Variants in TBC1D5 observed in about 807,000 individuals in gnomAD.
TBC1D5 encodes the protein TBC1 domain family member 5.
A neutral mutation model predicts 100.3 loss-of-function variants in TBC1D5; 75 were observed. That is an observed-to-expected ratio of 0.75 (90% CI 0.62 to 0.91). TBC1D5 has a LOEUF of 0.91. TBC1D5 is among the 40% of genes least tolerant of loss of function. TBC1D5 has a pLI of 0.00. For missense variants in TBC1D5, 910 were observed against 942.4 expected, an observed-to-expected ratio of 0.97 and a Z score of 0.45; for synonymous variants, 323 against 325.6, an observed-to-expected ratio of 0.99 and a Z score of 0.09.
At chr3:17,196,124 G>A (rs910108687) in intron 18 of TBC1D5, among the ~76,000 whole-genome samples, 5 of 152,134 alleles carry the variant, frequency 3.3e-5, no homozygotes, top group Admixed American at 6.5e-5. Flanking sequence ...AGTGACAAGC[G>A]CCTGCAAGAG....
chr3:17,608,711 T>A (rs1560271375), intron 2 of TBC1D5, among the ~76,000 whole-genome samples: 1 of 152,200 alleles, frequency 6.6e-6, no homozygotes, highest in Non-Finnish European at 1.5e-5. Flanking sequence ...CGCTTTCTAC[T>A]CCTATACCAA....
chr3:17,379,908 A>G (rs1034246415), intron 9 of TBC1D5, among the ~76,000 whole-genome samples: 4 of 152,014 alleles, frequency 2.6e-5, no homozygotes, highest in African/African-American at 4.8e-5. Flanking sequence ...ATCTTATTGT[A>G]CCATACTCAA....
chr3:17,275,789 G>C (rs1015699754), intron 15 of TBC1D5, among the ~76,000 whole-genome samples: 1 of 152,140 alleles, frequency 6.6e-6, no homozygotes, highest in African/African-American at 2.4e-5. Flanking sequence ...AGTAGGTAAT[G>C]GACTGTGTAA....
At chr3:17,455,738 C>G (rs1242993357) in intron 3 of TBC1D5, among the ~76,000 whole-genome samples, 1 of 151,950 alleles carries the variant, frequency 6.6e-6, no homozygotes, top group Admixed American at 6.6e-5. Flanking sequence ...ACTTGGGAGG[C>G]TGAGGTGGGA....
At chr3:17,642,809 G>A (rs1000999637) in intron 1 of TBC1D5, among the ~76,000 whole-genome samples, 1 of 152,036 alleles carries the variant, frequency 6.6e-6, no homozygotes, top group South Asian at 2.1e-4. Context: ...AAGTAAGAAC[G>A]TACTACATCA....
At chr3:17,548,307 C>T (rs965884382) in intron 2 of TBC1D5, among the ~76,000 whole-genome samples, 2 of 152,110 alleles carry the variant, frequency 1.3e-5, no homozygotes, top group Non-Finnish European at 2.9e-5. Flanking sequence ...AAGCGAGACT[C>T]GGTCTCAAAA....
intron 3 of TBC1D5, among the ~76,000 whole-genome samples, chr3:17,460,993 A>G (rs1368122626): frequency 6.6e-6 from 1 of 152,212 alleles, no homozygotes; most frequent in African/African-American, 2.4e-5. Context: ...GAATAATAAG[A>G]TAACTGTGGT....
At chr3:17,601,380 A>C (rs1215803734) in intron 2 of TBC1D5, among the ~76,000 whole-genome samples, 2 of 152,128 alleles carry the variant, frequency 1.3e-5, no homozygotes, top group African/African-American at 2.4e-5. Flanking sequence ...GCGTGGTGGC[A>C]CATGCCTGTA....
In TBC1D5 at chr3:17,725,572, A is replaced by G. The variant is rs146941350; in HGVS notation, c.-101+13771T>C. 5.0e-3 allele frequency among the ~76,000 whole-genome samples: 755 copies of G among 152,146 alleles called. 3 individuals are homozygous for G. The highest frequency in any genetic ancestry group is 8.7e-3 in the Non-Finnish European group (593 of 68,000). On this transcript the variant is annotated intron_variant, in intron 1 of 21. Coordinates refer to ENST00000253692, the Ensembl canonical transcript of TBC1D5. ...TGGGCCATCCTGGGCTTCCATTTCT[A>G]TATCCTGTGCCTTGTGAGGCCTTCA...
chr3:17,412,736 T>G (rs1027931848), intron 4 of TBC1D5, among the ~76,000 whole-genome samples: 1 of 152,114 alleles, frequency 6.6e-6, no homozygotes, highest in African/African-American at 2.4e-5. Context: ...TTTTAACCCC[T>G]CTTTATGAAT....
intron 2 of TBC1D5, among the ~76,000 whole-genome samples, chr3:17,606,305 T>C (rs1474307555): frequency 2.6e-5 from 4 of 152,040 alleles, no homozygotes; most frequent in Admixed American, 2.6e-4. Context: ...TAGCCATCCA[T>C]GGTGGCATGC....
intron 2 of TBC1D5, among the ~76,000 whole-genome samples, chr3:17,563,852 A>G (rs1021937457): frequency 7.6e-4 from 115 of 152,110 alleles, no homozygotes; most frequent in African/African-American, 2.4e-3. Flanking sequence ...GCTTGATCTC[A>G]GCTCTCTGCA....
chr3:17,270,112 A>G (rs2079239669), intron 15 of TBC1D5, among the ~76,000 whole-genome samples: 1 of 152,174 alleles, frequency 6.6e-6, no homozygotes. Context: ...ATTCCCATCA[A>G]CAATGTGTAA....
At chr3:17,449,639 A>T (rs1198965422) in intron 3 of TBC1D5, among the ~76,000 whole-genome samples, 1 of 152,160 alleles carries the variant, frequency 6.6e-6, no homozygotes, top group Non-Finnish European at 1.5e-5. Flanking sequence ...CTGGGAACCC[A>T]CTGCAGTGCA....
exon 22 of TBC1D5, chr3:17,160,695 G>A (rs1272160252): frequency 2.3e-5 from 10 of 441,106 alleles, no homozygotes; most frequent in South Asian, 1.4e-4. Context: ...TACTGGGTAC[G>A]TAACTCAGCT....
chr3:17,733,646 C>T (rs953835892), intron 1 of TBC1D5, among the ~76,000 whole-genome samples: 3 of 151,948 alleles, frequency 2.0e-5, no homozygotes, highest in African/African-American at 7.3e-5. Flanking sequence ...ATTTTAAAAC[C>T]CTTTTGAGAG....
intron 2 of TBC1D5, among the ~76,000 whole-genome samples, chr3:17,518,130 G>A (rs1457383308): frequency 6.6e-6 from 1 of 152,208 alleles, no homozygotes; most frequent in East Asian, 1.9e-4. Flanking sequence ...GAAGAGGGAA[G>A]AAGTGATAGG....
intron 3 of TBC1D5, among the ~76,000 whole-genome samples, chr3:17,485,794 A>G (rs2095558219): frequency 1.3e-5 from 2 of 151,914 alleles, no homozygotes; most frequent in South Asian, 4.2e-4. Flanking sequence ...TAGTGCCGCA[A>G]TAAACATACG....
At chr3:17,484,339 C>A (rs1237375009) in intron 3 of TBC1D5, among the ~76,000 whole-genome samples, 1 of 152,020 alleles carries the variant, frequency 6.6e-6, no homozygotes, top group Non-Finnish European at 1.5e-5. Context: ...ACTTCAGAAA[C>A]AAATTAATCA....
Sources: allele counts gnomAD v4.1 joint callset (sites outside exome capture counted in the v4.1 genomes callset), GRCh38; gene constraint gnomAD v4.1.1; transcripts MANE v1.5; gene names NCBI Gene and HGNC (gene_info 2026-07-23, HGNC 2026-07-21).